HSD17B4: variants seen among roughly 807,000 people sequenced by gnomAD.
HSD17B4 encodes the protein hydroxysteroid 17-beta dehydrogenase 4.
Under a neutral mutation model 101.0 loss-of-function variants are expected in HSD17B4, and 70 were observed. That is an observed-to-expected ratio of 0.69 (90% confidence interval 0.57 to 0.85). The LOEUF is 0.85. Among genes scored for constraint, HSD17B4 ranks in the 40% least tolerant of loss-of-function variants. The pLI is 0.00. For synonymous variants in HSD17B4, 347 were observed against 297.1 expected, an observed-to-expected ratio of 1.17 and a Z score of -1.73; for missense variants, 984 against 892.4, an observed-to-expected ratio of 1.10 and a Z score of -1.31.
chr5:119,456,582 T>C, intron 2 of HSD17B4: 1 of 560,596 alleles, frequency 1.8e-6, no homozygotes, highest in Non-Finnish European at 3.2e-6. Context: ...TTAACAGAAT[T>C]GATAACGAAG....
Position 119,499,511 on chromosome 5 carries a change from A to T in HSD17B4, c.1167A>T (p.Gly389=), listed in dbSNP as rs1340926346. 1.4e-5 allele frequency: 22 copies of T among 1,613,596 alleles called. No homozygotes were observed. The highest frequency in any genetic ancestry group is 5.0e-5 in the Admixed American group (3 of 60,020). The change falls in exon 13 of 24, where the codon GGA becomes GGT. Residue 389 remains glycine, a synonymous_variant. Coordinates refer to ENST00000510025, the MANE Select transcript of HSD17B4 (RefSeq NM_000414.4). The part of the protein sequence containing the change: ...VIIGQKSMMG[G]GLAEIPGLSI... ...TAGGTCAGAAATCTATGATGGGTGG[A>T]GGATTAGCAGAAATTCCTGGACTTT...
At chr5:119,470,626 A>G (rs1269104838) in intron 2 of HSD17B4, among the ~76,000 whole-genome samples, 1 of 152,132 alleles carries the variant, frequency 6.6e-6, no homozygotes, top group East Asian at 1.9e-4. Context: ...TTCCATCTGG[A>G]TGCTTCACTT....
intron 1 of HSD17B4, 30 bp from the exon 2 acceptor site, chr5:119,456,285 C>A: frequency 6.4e-7 from 1 of 1,556,118 alleles, no homozygotes; most frequent in Non-Finnish European, 8.9e-7. Flanking sequence ...GACATTTCTT[C>A]AACTTTCTGA....
chr5:119,508,040 T>C (rs1751819666), intron 15 of HSD17B4, among the ~76,000 whole-genome samples: 1 of 152,148 alleles, frequency 6.6e-6, no homozygotes, highest in Non-Finnish European at 1.5e-5. Context: ...TGCTTAATAA[T>C]CAATTGAGAA....
intron 15 of HSD17B4, among the ~76,000 whole-genome samples, chr5:119,508,857 C>G (rs953341559): frequency 6.6e-6 from 1 of 152,216 alleles, no homozygotes. Context: ...TAATTGGGAT[C>G]TGAATAGCAG....
intron 17 of HSD17B4, among the ~76,000 whole-genome samples, chr5:119,516,337 G>C (rs1456669153): frequency 1.3e-5 from 2 of 152,072 alleles, no homozygotes; most frequent in Non-Finnish European, 2.9e-5. Flanking sequence ...GAAAACCCAA[G>C]AAATGCCTCT....
At chr5:119,508,755 C>T (rs769353447) in intron 15 of HSD17B4, among the ~76,000 whole-genome samples, 2 of 152,198 alleles carry the variant, frequency 1.3e-5, no homozygotes, top group Non-Finnish European at 2.9e-5. Flanking sequence ...CCTCTCCATG[C>T]TCTTCTTGAC....
At chr5:119,463,522 A>AT (rs200229610) in intron 2 of HSD17B4, among the ~76,000 whole-genome samples, 19,454 of 117,808 alleles carry the variant, frequency 0.17, 1,499 homozygotes, top group East Asian at 0.45. Context: ...ATCCTTTGTT[A>AT]TTTTTTTTTT....
chr5:119,490,384 G>T (rs779883355), intron 9 of HSD17B4, among the ~76,000 whole-genome samples: 3 of 152,066 alleles, frequency 2.0e-5, no homozygotes, highest in South Asian at 2.1e-4. Flanking sequence ...ATCTTTTACA[G>T]TTATGTTTAT....
At chr5:119,503,120 G>GTA (rs1222556156) in intron 14 of HSD17B4, among the ~76,000 whole-genome samples, 81 of 151,252 alleles carry the variant, frequency 5.4e-4, no homozygotes, top group African/African-American at 1.9e-3. Context: ...GTGTGTATGT[G>GTA]TGCATGTATG....
At chr5:119,468,886 G>A in intron 2 of HSD17B4, among the ~76,000 whole-genome samples, 1 of 149,016 alleles carries the variant, frequency 6.7e-6, no homozygotes. Flanking sequence ...GCTTGATGTA[G>A]TCTGTTGTTG....
At chr5:119,474,177 A>T (rs1245694626) in intron 3 of HSD17B4, among the ~76,000 whole-genome samples, 162 bp downstream of exon 3, 1 of 152,218 alleles carries the variant, frequency 6.6e-6, no homozygotes, top group African/African-American at 2.4e-5. Flanking sequence ...GAGAATTGTT[A>T]AAACTTTTGA....
intron 4 of HSD17B4, 119 bp downstream of exon 4, chr5:119,474,579 A>T (rs779151323): frequency 1.3e-6 from 1 of 749,410 alleles, no homozygotes; most frequent in Non-Finnish European, 2.4e-6. Flanking sequence ...ACATTTTAAA[A>T]TTTGATTTAT....
intron 17 of HSD17B4, among the ~76,000 whole-genome samples, chr5:119,516,247 A>G (rs1378239411): frequency 6.6e-6 from 1 of 152,136 alleles, no homozygotes; most frequent in Non-Finnish European, 1.5e-5. Flanking sequence ...GCTCATATTT[A>G]TGTTTACATA....
chr5:119,501,315 T>C lies in HSD17B4; in HGVS notation c.1210-726T>C, dbSNP rs1001832636. On this transcript the variant is annotated intron_variant, in intron 13 of 23. Coordinates refer to ENST00000510025, the MANE Select transcript of HSD17B4 (RefSeq NM_000414.4). ...AACCACCTCCCCTTCTTCTTCTTCCTTTTTTTTTTTTTTTAAAATCCTTTT... is the reference window on the plus strand; with the variant it reads ...AACCACCTCCCCTTCTTCTTCTTCCCTTTTTTTTTTTTTTAAAATCCTTTT... Among the ~76,000 whole-genome samples the C allele has an allele frequency of 4.9e-5, 7 of 144,216 alleles. No homozygotes were observed. The South Asian group carries it at 8.7e-4, about 18-fold the overall frequency. The allele number at this position is 144,216 out of a possible 152,430, so 94.6% of individuals were successfully genotyped here. A position where few individuals can be genotyped will look rare whatever the true frequency, so the allele number is the denominator to read the frequency against.
chr5:119,508,675 G>A (rs1041709175), intron 15 of HSD17B4, among the ~76,000 whole-genome samples: 1 of 152,172 alleles, frequency 6.6e-6, no homozygotes, highest in African/African-American at 2.4e-5. Context: ...TAGTTGATGG[G>A]AAAATAAGAG....
Position 119,452,554 on chromosome 5 carries a change from T to C in HSD17B4, c.-22T>C. ...TCCAGCGGCTCTGCTTGTTCGTGTGTGTGTCGTTGCAGGCCTTATTCATGG... is the reference window on the plus strand; with the variant it reads ...TCCAGCGGCTCTGCTTGTTCGTGTGCGTGTCGTTGCAGGCCTTATTCATGG... On this transcript the variant is annotated 5_prime_UTR_variant, in exon 1 of 24. Coordinates refer to ENST00000510025, the MANE Select transcript of HSD17B4 (RefSeq NM_000414.4). 1 of 1,613,864 alleles carries C rather than the reference T, an allele frequency of 6.2e-7. No individual in the cohort carries two copies. Among genetic ancestry groups the C allele is most frequent in the Non-Finnish European group, 8.5e-7 (1 of 1,179,954 alleles).
chr5:119,496,481 G>C, intron 11 of HSD17B4, 62 bp from the exon 12 acceptor site: 1 of 901,980 alleles, frequency 1.1e-6, no homozygotes. Flanking sequence ...GCATATTGTA[G>C]CTTTTCTTAG....
At chr5:119,511,028 C>G (rs553544870) in intron 16 of HSD17B4, among the ~76,000 whole-genome samples, 2 of 152,124 alleles carry the variant, frequency 1.3e-5, no homozygotes. Context: ...CTAGCTTTCC[C>G]GTAGCGTGGA....
Sources: gnomAD v4.1 joint callset for allele counts (sites outside exome capture counted in the v4.1 genomes callset) on GRCh38, gnomAD v4.1.1 for gene constraint, MANE v1.5 for transcripts, NCBI Gene and HGNC (gene_info 2026-07-23, HGNC 2026-07-21) for gene names.